Variants in ACSM1 observed in about 807,000 individuals in gnomAD.
ACSM1 encodes the protein acyl-coenzyme A synthetase ACSM1, mitochondrial.
Under a neutral mutation model 75.8 loss-of-function variants are expected in ACSM1, and 79 were observed. The ratio of observed to expected loss-of-function variants is 1.04; its 90% CI spans 0.87 to 1.26. The LOEUF is 1.26. ACSM1 is among the 50% of genes most tolerant of loss of function. The pLI is 0.00. For synonymous variants in ACSM1, 279 were observed against 265.8 expected, an observed-to-expected ratio of 1.05 and a Z score of -0.48; for missense variants, 676 against 720.1, an observed-to-expected ratio of 0.94 and a Z score of 0.70.
In ACSM1 at chr16:20,640,512, C is replaced by T. The variant is rs774761233; in HGVS notation, c.1065G>A (p.Trp355Ter). 1.9e-6 allele frequency: 3 copies of T among 1,614,060 alleles called. No homozygotes were observed. In the African/African-American group the frequency reaches 4.0e-5, roughly 22 times the overall value. ...AGAGCAGAAGGCCCGTCCGTCTTTTCCACTCCTCCTGATCCTTGGGCAACA... is the reference window on the plus strand; with the variant it reads ...AGAGCAGAAGGCCCGTCCGTCTTTTTCACTCCTCCTGATCCTTGGGCAACA... ...EVVLPKDQEE[W>*]KRRTGLLLYE... The change falls in exon 8 of 14, where the codon TGG becomes TGA. Residue 355 changes from tryptophan (W) to a stop codon, truncating the protein, a stop_gained. Coordinates refer to ENST00000520010, the MANE Select transcript of ACSM1 (RefSeq NM_001318890.3). LOFTEE classifies it high-confidence loss of function.
chr16:20,690,889 G>A (rs1157454542), intron 2 of ACSM1, 108 bp downstream of exon 2: 2 of 1,082,460 alleles, frequency 1.8e-6, no homozygotes, highest in African/African-American at 1.6e-5. Flanking sequence ...ACACTGATAA[G>A]TTGAGGCAGA....
chr16:20,642,158 A>T (rs572126433), intron 7 of ACSM1, among the ~76,000 whole-genome samples: 51 of 152,334 alleles, frequency 3.3e-4, no homozygotes, highest in African/African-American at 1.2e-3. Flanking sequence ...GGTTTGGTCA[A>T]CGTGGGCACT....
chr16:20,679,270 A>G (rs774754262), intron 4 of ACSM1: 1 of 152,322 alleles, frequency 6.6e-6, no homozygotes, highest in Non-Finnish European at 1.5e-5. Context: ...CCACCCGAAT[A>G]GACCTACGGC....
intron 1 of ACSM1, among the ~76,000 whole-genome samples, chr16:20,692,586 T>C (rs1242350229): frequency 6.6e-6 from 1 of 152,180 alleles, no homozygotes; most frequent in Non-Finnish European, 1.5e-5. Context: ...TATGTGGCTC[T>C]TAGTTGATTG....
At chr16:20,692,239 A>T (rs1267341969) in intron 1 of ACSM1, among the ~76,000 whole-genome samples, 2 of 152,238 alleles carry the variant, frequency 1.3e-5, no homozygotes, top group Non-Finnish European at 2.9e-5. Flanking sequence ...CCCTCAGGAA[A>T]TCCTGAGACT....
chr16:20,641,081 G>A (rs1024045163), intron 7 of ACSM1, among the ~76,000 whole-genome samples: 6 of 152,178 alleles, frequency 3.9e-5, no homozygotes, highest in Non-Finnish European at 7.3e-5. Flanking sequence ...AATTGCTCAG[G>A]ACATCAGAGC....
At position 20,694,197 on chromosome 16, in the gene ACSM1, C is replaced by T. The variant is rs143170482; in HGVS notation, c.-51-2958G>A. Among the ~76,000 whole-genome samples the T allele has an allele frequency of 1.1e-3, 160 of 152,308 alleles. 1 individual carries two copies. Among genetic ancestry groups the T allele is most frequent in the African/African-American group, 3.6e-3 (151 of 41,560 alleles). On this transcript the variant is annotated intron_variant, in intron 1 of 13. Transcript: ENST00000520010. ...AAAAAGTTCTAAGTTGCTAGCCAATCGGGACAAATACAGAATGTGAGGTCC... is the reference window on the plus strand; with the variant it reads ...AAAAAGTTCTAAGTTGCTAGCCAATTGGGACAAATACAGAATGTGAGGTCC...
At chr16:20,687,901 C>T (rs577943597) in intron 2 of ACSM1, among the ~76,000 whole-genome samples, 43 of 151,966 alleles carry the variant, frequency 2.8e-4, no homozygotes, top group African/African-American at 9.9e-4. Context: ...CTGGCCAACA[C>T]GGCAAAACCC....
At chr16:20,632,482 G>A (rs896373206) in intron 10 of ACSM1, among the ~76,000 whole-genome samples, 14 of 152,058 alleles carry the variant, frequency 9.2e-5, no homozygotes, top group Non-Finnish European at 1.6e-4. Flanking sequence ...CCAAAAACAG[G>A]AGTCACAAAG....
chr16:20,652,107 T>G (rs908102863), intron 7 of ACSM1, among the ~76,000 whole-genome samples: 1 of 152,068 alleles, frequency 6.6e-6, no homozygotes, highest in African/African-American at 2.4e-5. Context: ...CACCTCAAAT[T>G]CACAGCTATA....
intron 7 of ACSM1, among the ~76,000 whole-genome samples, chr16:20,655,701 C>T (rs970232336): frequency 2.0e-5 from 3 of 152,106 alleles, no homozygotes; most frequent in Non-Finnish European, 4.4e-5. Context: ...CTCACTCTGT[C>T]ACCCAGGCTG....
chr16:20,630,302 G>T (rs1192660823), intron 10 of ACSM1, among the ~76,000 whole-genome samples: 1 of 151,864 alleles, frequency 6.6e-6, no homozygotes, highest in Non-Finnish European at 1.5e-5. Context: ...TATCAGGCTG[G>T]TCTCAAACTC....
intron 11 of ACSM1, 40 bp from the exon 12 acceptor site, chr16:20,625,562 G>T: frequency 6.4e-7 from 1 of 1,569,628 alleles, no homozygotes; most frequent in Non-Finnish European, 8.7e-7. Context: ...CCAGGGCTGG[G>T]GTGAACCAAG....
chr16:20,636,988 T>C, intron 9 of ACSM1, 148 bp from the exon 10 acceptor site: 1 of 687,818 alleles, frequency 1.5e-6, no homozygotes, highest in South Asian at 1.7e-5. Context: ...GTCAAAAGCC[T>C]TTAAAATACG....
chr16:20,625,361 TC>T, intron 12 of ACSM1, 61 bp downstream of exon 12: 1 of 1,527,000 alleles, frequency 6.5e-7, no homozygotes. Context: ...CCTGGATGTT[TC>T]CCCTGCACCT....
chr16:20,652,808 G>A (rs1436982589), intron 7 of ACSM1, among the ~76,000 whole-genome samples: 3 of 152,068 alleles, frequency 2.0e-5, no homozygotes, highest in Admixed American at 6.5e-5. Context: ...ATTCACAGCC[G>A]AATTCTGCCA....
At chr16:20,638,079 TCC>T (rs2017830442) in intron 8 of ACSM1, among the ~76,000 whole-genome samples, 1 of 152,224 alleles carries the variant, frequency 6.6e-6, no homozygotes, top group Non-Finnish European at 1.5e-5. Context: ...TGAACTTGAT[TCC>T]TCCTTTATTG....
intron 10 of ACSM1, among the ~76,000 whole-genome samples, chr16:20,627,881 T>A (rs796866997): frequency 2.7e-3 from 22 of 8,124 alleles, no homozygotes; most frequent in African/African-American, 7.4e-3. Context: ...TATATATATA[T>A]ATATATATAT....
rs2079589907 is a variant in ACSM1, at chr16:20,688,274, G to A, written c.192+2723C>T. Among the ~76,000 whole-genome samples the A allele has an allele frequency of 2.0e-5, 3 of 151,962 alleles. No individual in the cohort carries two copies. In the South Asian group the frequency reaches 6.2e-4, roughly 32 times the overall value. On this transcript the variant is annotated intron_variant, in intron 2 of 13. Transcript: ENST00000520010. ...TCTGAGAAGAAAAAGTTAAAAAGAA[G>A]GAAGAAAAATAAACAGAGTTTGAGG...
Sources: gnomAD v4.1 joint callset for allele counts (sites outside exome capture counted in the v4.1 genomes callset) on GRCh38, gnomAD v4.1.1 for gene constraint, MANE v1.5 for transcripts, NCBI Gene and HGNC (gene_info 2026-07-23, HGNC 2026-07-21) for gene names.